PDGFRA: variants seen among roughly 807,000 people sequenced by gnomAD.
The protein encoded by PDGFRA is platelet derived growth factor receptor alpha.
Under a neutral mutation model 121.5 loss-of-function variants are expected in PDGFRA, and 25 were observed. The observed-to-expected ratio is 0.21, with a 90% CI of 0.15 to 0.29. The LOEUF (loss-of-function observed/expected upper bound fraction) is 0.29, where lower values mean the gene tolerates loss of function less well. Ranked by LOEUF, PDGFRA falls within the 10% of genes least tolerant of loss-of-function variation. PDGFRA has a pLI of 1.00. For missense variants in PDGFRA, 1,008 were observed against 1,345.1 expected, an observed-to-expected ratio of 0.75 and a Z score of 3.92; for synonymous variants, 463 against 494.8, an observed-to-expected ratio of 0.94 and a Z score of 0.85.
At chr4:54,277,318 C>A in intron 12 of PDGFRA, 70 bp from the exon 13 acceptor site, 1 of 1,020,662 alleles carries the variant, frequency 9.8e-7, no homozygotes, top group African/African-American at 1.6e-5. Context: ...CCGCAGAGAG[C>A]TGGCTACGGT....
chr4:54,266,589 C>T (rs1723039142), intron 5 of PDGFRA, among the ~76,000 whole-genome samples: 1 of 152,064 alleles, frequency 6.6e-6, no homozygotes, highest in Non-Finnish European at 1.5e-5. Context: ...CATAGATAAA[C>T]ATTGAATAAT....
chr4:54,296,135 A>G lies in PDGFRA; in HGVS notation c.*863A>G, dbSNP rs1409825722. 3.4e-5 allele frequency: 8 copies of G among 232,746 alleles called. No individual in the cohort carries two copies. 14.4% of individuals were successfully genotyped at this position (232,746 alleles called of 1,614,324 possible). On this transcript the variant is annotated 3_prime_UTR_variant, in exon 23 of 23. Transcript: ENST00000257290. The stretch of plus-strand genomic sequence containing the variant: ...TAGTTGAGCATAGAGAACAAAGTAA[A>G]AGTAGTGTTGTCCAGGAAGTCAGAA...
At chr4:54,268,916 G>A (rs1723181197) in intron 7 of PDGFRA, among the ~76,000 whole-genome samples, 1 of 152,122 alleles carries the variant, frequency 6.6e-6, no homozygotes, top group African/African-American at 2.4e-5. Flanking sequence ...GAGTGGTTCT[G>A]GAAAGCTGCC....
Position 54,296,192 on chromosome 4 carries a change from C to T in PDGFRA, c.*920C>T, listed in dbSNP as rs1724870898. The T allele has an allele frequency of 4.3e-6, 1 of 232,704 alleles. No homozygotes were observed. Among genetic ancestry groups the T allele is most frequent in the Non-Finnish European group, 8.5e-6 (1 of 117,754 alleles). The allele number at this position is 232,704 out of a possible 1,614,324, so 14.4% of individuals were successfully genotyped here. A position where few individuals can be genotyped will look rare whatever the true frequency, so the allele number is the denominator to read the frequency against. Reference sequence around the variant, plus strand: ...ACTGTACTGAATAGGTTCCCCAATCCATCGTATTAAAAAACAATTAACTGC... The same window carrying T: ...ACTGTACTGAATAGGTTCCCCAATCTATCGTATTAAAAAACAATTAACTGC... On this transcript the variant is annotated 3_prime_UTR_variant, in exon 23 of 23. Transcript: ENST00000257290.
chr4:54,250,364 C>T (rs1254705957), intron 1 of PDGFRA, among the ~76,000 whole-genome samples: 1 of 152,134 alleles, frequency 6.6e-6, no homozygotes, highest in Non-Finnish European at 1.5e-5. Context: ...CCTGATTAGT[C>T]CTTCTAGATA....
chr4:54,272,461 C>T lies in PDGFRA; in HGVS notation c.1305C>T (p.Cys435=), dbSNP rs1305511720. The T allele has an allele frequency of 6.2e-7, 1 of 1,613,938 alleles. No individual in the cohort carries two copies. Among genetic ancestry groups the T allele is most frequent in the Non-Finnish European group, 8.5e-7 (1 of 1,179,920 alleles). Residue 435 remains cysteine (C), a synonymous_variant, in exon 9 of 23, where the codon TGC becomes TGT. Transcript: ENST00000257290. The stretch of plus-strand genomic sequence containing the variant: ...CAACTGGGGGACAGACGGTGAGGTG[C>T]ACAGCTGAAGGCACGCCGCTTCCTG... ...HGSTGGQTVR[C]TAEGTPLPDI...
At chr4:54,285,764 T>A (rs1375997796) in intron 17 of PDGFRA, 77 bp from the exon 18 acceptor site, 23 of 1,494,264 alleles carry the variant, frequency 1.5e-5, no homozygotes, top group Non-Finnish European at 2.0e-5. Context: ...CCACCATGGA[T>A]CAGCCAGTCT....
In PDGFRA at chr4:54,295,428, A is replaced by G. The variant is rs1724838538; in HGVS notation, c.*156A>G. On this transcript the variant is annotated 3_prime_UTR_variant, in exon 23 of 23. Transcript: ENST00000257290. ...GCCTCGGGGAGCGTTCTAAATATGAATGAATGGGATATTTTGAAATGAACT... is the reference window on the plus strand; with the variant it reads ...GCCTCGGGGAGCGTTCTAAATATGAGTGAATGGGATATTTTGAAATGAACT... 1 of 665,458 alleles carries G rather than the reference A, an allele frequency of 1.5e-6. No individual in the cohort carries two copies. The highest frequency in any genetic ancestry group is 1.8e-5 in the South Asian group (1 of 55,304). The allele number at this position is 665,458 out of a possible 1,614,324, so 41.2% of individuals were successfully genotyped here.
At chr4:54,278,222 T>C in intron 14 of PDGFRA, 140 bp from the exon 15 acceptor site, 1 of 584,490 alleles carries the variant, frequency 1.7e-6, no homozygotes, top group Non-Finnish European at 2.7e-6. Context: ...TGGCTCTTTA[T>C]TAAAAAAAAA....
Position 54,290,393 on chromosome 4 carries a change from A to G in PDGFRA, c.2961A>G (p.Ala987=). The change falls in exon 22 of 23, where the codon GCA becomes GCG. Residue 987 remains alanine (A), a synonymous_variant. Transcript: ENST00000257290. ...VARMRVDSDN[A]YIGVTYKNEE... ...GCATGCGTGTGGACTCAGACAATGC[A>G]TACATTGGTGTCACCTACAAAAACG... 6.2e-7 allele frequency: 1 copy of G among 1,613,792 alleles called. No homozygotes were observed. Among genetic ancestry groups the G allele is most frequent in the Non-Finnish European group, 8.5e-7 (1 of 1,179,624 alleles).
At chr4:54,288,729 T>C (rs1034526962) in intron 19 of PDGFRA, 70 bp from the exon 20 acceptor site, 1 of 892,274 alleles carries the variant, frequency 1.1e-6, no homozygotes, top group Non-Finnish European at 1.9e-6. Flanking sequence ...AACAGTGTTC[T>C]ATCATGCCAA....
intron 1 of PDGFRA, among the ~76,000 whole-genome samples, chr4:54,241,435 A>G (rs1721290405): frequency 6.6e-6 from 1 of 152,170 alleles, no homozygotes; most frequent in Non-Finnish European, 1.5e-5. Flanking sequence ...CATGTTGTAG[A>G]TGACCTATGT....
rs1724280723 is a variant in PDGFRA, at chr4:54,285,271, T to A, written c.2324-100T>A. 4.1e-6 allele frequency: 3 copies of A among 739,928 alleles called. No individual in the cohort carries two copies. In the Admixed American group the frequency reaches 5.8e-5, roughly 14 times the overall value. The allele number at this position is 739,928 out of a possible 1,614,324, so 45.8% of individuals were successfully genotyped here. Reference sequence around the variant, plus strand: ...GAGATCTAAACATTCTACAAAAAAATTAAGAAAATATTTTTGGATGTGTTC... The same window carrying A: ...GAGATCTAAACATTCTACAAAAAAAATAAGAAAATATTTTTGGATGTGTTC... On this transcript the variant is annotated intron_variant, in intron 16 of 22. Transcript: ENST00000257290.
chr4:54,233,891 C>T (rs780877330), intron 1 of PDGFRA, among the ~76,000 whole-genome samples: 1 of 152,144 alleles, frequency 6.6e-6, no homozygotes, highest in Non-Finnish European at 1.5e-5. Context: ...CGTTTCCAAT[C>T]AGCTGCGCGG....
chr4:54,293,116 CTG>C lies in PDGFRA; in HGVS notation c.3123-2007_3123-2006del, dbSNP rs1724712193. ...CACATTGCACTTGGTTGCTATGTCT[CTG>C]TAAGTTCACTATGTCTCTATTTTTT... is the stretch of plus-strand genomic sequence containing the variant. On this transcript the variant is annotated intron_variant, in intron 22 of 22. Coordinates refer to ENST00000257290, the MANE Select transcript of PDGFRA (RefSeq NM_006206.6). Among the ~76,000 whole-genome samples, 3 of 152,316 alleles carry C rather than the reference CTG, an allele frequency of 2.0e-5. No individual in the cohort carries two copies. The South Asian group carries it at 6.2e-4, about 32-fold the overall frequency.
intron 18 of PDGFRA, among the ~76,000 whole-genome samples, chr4:54,286,966 G>T (rs1250822919): frequency 6.6e-6 from 1 of 152,186 alleles, no homozygotes. Flanking sequence ...ATGTGAGACA[G>T]CTTATGGCAG....
chr4:54,288,524 G>C (rs973335091), intron 19 of PDGFRA, among the ~76,000 whole-genome samples: 19 of 152,024 alleles, frequency 1.2e-4, no homozygotes, highest in African/African-American at 3.4e-4. Flanking sequence ...TGATCCAGTA[G>C]TCATACACAT....
intron 1 of PDGFRA, among the ~76,000 whole-genome samples, chr4:54,231,890 C>T (rs1197808106): frequency 6.6e-6 from 1 of 152,250 alleles, no homozygotes; most frequent in Admixed American, 6.5e-5. Context: ...TCTCGGGACG[C>T]GGACTGAGGA....
chr4:54,288,758 G>A (rs1469848639), intron 19 of PDGFRA, 41 bp from the exon 20 acceptor site: 3 of 1,081,252 alleles, frequency 2.8e-6, no homozygotes, highest in Non-Finnish European at 4.3e-6. Flanking sequence ...GCAATGCACT[G>A]AGCGTTTGTT....
Sources: gnomAD v4.1 joint callset for allele counts (sites outside exome capture counted in the v4.1 genomes callset) on GRCh38, gnomAD v4.1.1 for gene constraint, MANE v1.5 for transcripts, NCBI Gene and HGNC (gene_info 2026-07-23, HGNC 2026-07-21) for gene names.